The following SORCS3 variants were observed in gnomAD, a reference collection of about 807,000 sequenced individuals.
The protein encoded by SORCS3 is sortilin related VPS10 domain containing receptor 3, also known as VPS10 domain-containing receptor SorCS3.
SORCS3 carries 57 observed loss-of-function variants against 146.3 expected under a neutral mutation model. The ratio of observed to expected loss-of-function variants is 0.39; its 90% CI spans 0.31 to 0.49. SORCS3 has a LOEUF of 0.49. Among genes scored for constraint, SORCS3 ranks in the 20% least tolerant of loss-of-function variants. The pLI is 0.92. For synonymous variants in SORCS3, 653 were observed against 618.5 expected, an observed-to-expected ratio of 1.06 and a Z score of -0.83; for missense variants, 1,341 against 1,575.5, an observed-to-expected ratio of 0.85 and a Z score of 2.52.
chr10:105,112,490 C>T (rs1416441304), intron 7 of SORCS3, among the ~76,000 whole-genome samples: 2 of 152,072 alleles, frequency 1.3e-5, no homozygotes, highest in Non-Finnish European at 2.9e-5. Flanking sequence ...GCAGAAAACC[C>T]ACAGACCAAC....
chr10:104,798,346 T>C (rs2017582784), intron 1 of SORCS3, among the ~76,000 whole-genome samples: 1 of 152,168 alleles, frequency 6.6e-6, no homozygotes, highest in Admixed American at 6.5e-5. Flanking sequence ...CCTGGTAACA[T>C]TCATGTAAGA....
intron 1 of SORCS3, among the ~76,000 whole-genome samples, chr10:104,808,684 A>G (rs1159327349): frequency 5.9e-5 from 9 of 152,224 alleles, no homozygotes; most frequent in African/African-American, 1.7e-4. Context: ...CCCATCATGA[A>G]GAAGCTCTAT....
At chr10:104,853,639 C>CA (rs750195340) in intron 2 of SORCS3, among the ~76,000 whole-genome samples, 1 of 152,116 alleles carries the variant, frequency 6.6e-6, no homozygotes, top group African/African-American at 2.4e-5. Flanking sequence ...GTCAAGGAGT[C>CA]GAAACTTTAA....
chr10:104,773,107 A>T (rs1442753467), intron 1 of SORCS3, among the ~76,000 whole-genome samples: 1 of 152,154 alleles, frequency 6.6e-6, no homozygotes, highest in African/African-American at 2.4e-5. Context: ...GCATTGAAGG[A>T]GTGGGTATCT....
intron 1 of SORCS3, among the ~76,000 whole-genome samples, chr10:104,698,026 A>C (rs2016237114): frequency 6.6e-6 from 1 of 152,166 alleles, no homozygotes; most frequent in Admixed American, 6.5e-5. Flanking sequence ...AGTTTTTTGT[A>C]CTATATTACC....
intron 7 of SORCS3, among the ~76,000 whole-genome samples, chr10:105,115,037 AGCCCTAGAAGTAT>A (rs758815053): frequency 2.6e-5 from 4 of 152,146 alleles, no homozygotes; most frequent in Non-Finnish European, 4.4e-5. Flanking sequence ...ATACTTGTTG[AGCCCTAGAAGTAT>A]GCCAGGTGCA....
chr10:104,871,547 G>C (rs146555926), intron 2 of SORCS3, among the ~76,000 whole-genome samples: 1 of 152,286 alleles, frequency 6.6e-6, no homozygotes, highest in East Asian at 1.9e-4. Context: ...AGAATTGGTG[G>C]CTGTATTTAA....
rs193249604 is a variant in SORCS3, at chr10:104,819,258, G to A, written c.628-23534G>A. 2.6e-5 allele frequency among the ~76,000 whole-genome samples: 4 copies of A among 152,208 alleles called. No individual in the cohort carries two copies. In the East Asian group the frequency reaches 7.7e-4, roughly 29 times the overall value. ...AGTGTACATAATGCATGAAAGATAG[G>A]GACCAGGGTCTGTGTTTTTAAGTAA... is the stretch of plus-strand genomic sequence containing the variant. On this transcript the variant is annotated intron_variant, in intron 1 of 26. Transcript: ENST00000369701.
In SORCS3 at chr10:105,214,617, G is replaced by C; in HGVS notation, c.2547+4G>C. On this transcript the variant is annotated splice_donor_region_variant and intron_variant, in intron 18 of 26. Transcript: ENST00000369701. ...TTTCATCATCCTCATGGAGGAGGTA[G>C]GTGCTCAACTGGGTCTCTGAGGTCA... The C allele has an allele frequency of 6.4e-7, 1 of 1,562,688 alleles. No individual in the cohort carries two copies. The highest frequency in any genetic ancestry group is 1.4e-5 in the African/African-American group (1 of 73,220).
chr10:105,089,666 C>A, intron 5 of SORCS3, 109 bp from the exon 6 acceptor site: 1 of 825,396 alleles, frequency 1.2e-6, no homozygotes, highest in South Asian at 1.5e-5. Context: ...CAGGATGGTC[C>A]TCTTTGAGAA....
intron 22 of SORCS3, among the ~76,000 whole-genome samples, chr10:105,247,727 G>A (rs2056875558): frequency 6.8e-6 from 1 of 147,854 alleles, no homozygotes; most frequent in Non-Finnish European, 1.5e-5. Context: ...CAGCCTGAGT[G>A]ACAGAGCAAG....
intron 3 of SORCS3, among the ~76,000 whole-genome samples, chr10:104,924,747 A>G (rs1159672200): frequency 1.3e-5 from 2 of 152,208 alleles, no homozygotes; most frequent in East Asian, 3.9e-4. Context: ...CTCAATTTGT[A>G]AAATGGGGAT....
intron 14 of SORCS3, among the ~76,000 whole-genome samples, chr10:105,194,843 A>G (rs1187238608): frequency 6.6e-6 from 1 of 152,186 alleles, no homozygotes; most frequent in Non-Finnish European, 1.5e-5. Flanking sequence ...CAACATCAGC[A>G]TCACCTGGAA....
intron 9 of SORCS3, among the ~76,000 whole-genome samples, chr10:105,148,302 C>T (rs1332813686): frequency 3.3e-5 from 5 of 152,026 alleles, no homozygotes; most frequent in Admixed American, 6.6e-5. Flanking sequence ...GACATCTATG[C>T]AGGGTAAAAA....
chr10:104,842,493 A>G (rs1203929863), intron 1 of SORCS3, among the ~76,000 whole-genome samples: 1 of 152,194 alleles, frequency 6.6e-6, no homozygotes, highest in East Asian at 1.9e-4. Context: ...CTGACCTCGA[A>G]GGAGGACAGA....
In SORCS3 at chr10:104,658,813, G is replaced by C. The variant is rs149830954; in HGVS notation, c.627+16859G>C. Among the ~76,000 whole-genome samples, 671 of 152,244 alleles carry C rather than the reference G, an allele frequency of 4.4e-3. 2 individuals are homozygous for C. Among genetic ancestry groups the C allele is most frequent in the Non-Finnish European group, 7.6e-3 (519 of 68,018 alleles). ...GCAATAGGACTCTGGATGGAGTGCA[G>C]GGTTATAAATAAGCACTTTTTTTTT... On this transcript the variant is annotated intron_variant, in intron 1 of 26. Transcript: ENST00000369701.
chr10:105,245,608 G>A lies in SORCS3; in HGVS notation c.2935G>A (p.Val979Ile), dbSNP rs751539516. The A allele has an allele frequency of 3.5e-5, 56 of 1,613,992 alleles. No homozygotes were observed. The highest frequency in any genetic ancestry group is 4.7e-5 in the Non-Finnish European group (55 of 1,180,044). ...FLAEGTDTIT[V>I]QVAAGNALIQ... ...TGCAGAAGGAACCGACACCATCACAGTCCAGGTGGCTGCTGGGAATGCCCT... is the reference window on the plus strand; with the variant it reads ...TGCAGAAGGAACCGACACCATCACAATCCAGGTGGCTGCTGGGAATGCCCT... Residue 979 changes from valine to isoleucine, a missense_variant, in exon 21 of 27, where the codon GTC becomes ATC. Coordinates refer to ENST00000369701, the MANE Select transcript of SORCS3 (RefSeq NM_014978.3).
intron 10 of SORCS3, among the ~76,000 whole-genome samples, chr10:105,158,506 C>A (rs1443383476): frequency 6.6e-6 from 1 of 152,176 alleles, no homozygotes; most frequent in East Asian, 1.9e-4. Flanking sequence ...AGGGCCCTTA[C>A]AACTCCAAGA....
chr10:105,103,339 A>G (rs987677300), intron 6 of SORCS3, among the ~76,000 whole-genome samples: 2 of 152,208 alleles, frequency 1.3e-5, no homozygotes, highest in Non-Finnish European at 2.9e-5. Context: ...GGATAGTTAT[A>G]AAGGCCTGCC....
Sources: allele counts gnomAD v4.1 joint callset (sites outside exome capture counted in the v4.1 genomes callset), GRCh38; gene constraint gnomAD v4.1.1; transcripts MANE v1.5; gene names NCBI Gene and HGNC (gene_info 2026-07-23, HGNC 2026-07-21).